STK11: variants seen among roughly 807,000 people sequenced by gnomAD.
The protein encoded by STK11 is serine/threonine-protein kinase STK11.
A neutral mutation model predicts 47.3 loss-of-function variants in STK11; 8 were observed. That is an observed-to-expected ratio of 0.17 (90% CI 0.10 to 0.31). STK11 has a LOEUF of 0.31. Ranked by LOEUF, STK11 falls within the 10% of genes least tolerant of loss-of-function variation. The probability of loss-of-function intolerance (pLI) is 1.00; values close to 1 mark genes in which losing one functional copy is unlikely to be tolerated. For missense variants in STK11, 475 were observed against 605.0 expected, an observed-to-expected ratio of 0.79 and a Z score of 2.25; for synonymous variants, 330 against 255.8, an observed-to-expected ratio of 1.29 and a Z score of -2.77.
intron 8 of STK11, chr19:1,224,994 T>G: frequency 1.0e-6 from 1 of 985,596 alleles, no homozygotes; most frequent in Non-Finnish European, 1.2e-6. Context: ...CTGCCGGGGC[T>G]GCTGCATCGG....
rs1555734869 is a variant in STK11 at position 1,206,931 on chromosome 19, G to A, written c.18G>A (p.Pro6=). 6.3e-7 allele frequency: 1 copy of A among 1,590,448 alleles called. No homozygotes were observed. Residue 6 remains proline, a synonymous_variant, in exon 1 of 10, where the codon CCG becomes CCA. Coordinates refer to ENST00000326873, the MANE Select transcript of STK11 (RefSeq NM_000455.5). MEVVD[P]QQLGMFTEGE... ...GGTCCAGCATGGAGGTGGTGGACCCGCAGCAGCTGGGCATGTTCACGGAGG... is the reference window on the plus strand; with the variant it reads ...GGTCCAGCATGGAGGTGGTGGACCCACAGCAGCTGGGCATGTTCACGGAGG...
At chr19:1,214,275 C>T (rs568816920) in intron 1 of STK11, among the ~76,000 whole-genome samples, 35 of 152,332 alleles carry the variant, frequency 2.3e-4, no homozygotes, top group African/African-American at 7.9e-4. Context: ...GGTGGCTCCA[C>T]CCCCACTCCT....
chr19:1,225,170 A>G lies in STK11; in HGVS notation c.1109-1284A>G, dbSNP rs12985527. On this transcript the variant is annotated intron_variant, in intron 8 of 9. Transcript: ENST00000326873. The stretch of plus-strand genomic sequence containing the variant: ...CAGTGGCGGCTGTGCCCGCTGATGC[A>G]GAGCTGGGGCACCTTGTCCACAGGG... 4.5e-3 allele frequency: 4,403 copies of G among 985,452 alleles called. 17 individuals carry two copies. The highest frequency in any genetic ancestry group is 0.015 in the South Asian group (311 of 21,296). 61.0% of individuals were successfully genotyped at this position (985,452 alleles called of 1,614,324 possible).
At chr19:1,208,768 C>T (rs1209615191) in intron 1 of STK11, among the ~76,000 whole-genome samples, 4 of 146,504 alleles carry the variant, frequency 2.7e-5, no homozygotes, top group African/African-American at 1.0e-4. Flanking sequence ...CAGGTGCCTG[C>T]CACAGTGCCC....
chr19:1,212,273 CTTTTTTTTT>C (rs775284754), intron 1 of STK11, among the ~76,000 whole-genome samples: 2 of 89,838 alleles, frequency 2.2e-5, no homozygotes, highest in Non-Finnish European at 4.0e-5. Context: ...TTCTTAACAC[CTTTTTTTTT>C]TTTTTTTTTT....
In STK11 at chr19:1,225,729, C is replaced by T. The variant is rs532971062; in HGVS notation, c.1109-725C>T. 46 of 985,648 alleles carry T rather than the reference C, an allele frequency of 4.7e-5. No individual in the cohort carries two copies. In the East Asian group the frequency reaches 7.9e-4, roughly 17 times the overall value. The allele number at this position is 985,648 out of a possible 1,614,324, so 61.1% of individuals were successfully genotyped here. ...GCCCGGGGCGGCCTCCCACTGACTT[C>T]GCCCGGGAGGGGCCTCGGGGATGGC... On this transcript the variant is annotated intron_variant, in intron 8 of 9. Transcript: ENST00000326873.
intron 9 of STK11, 48 bp from the exon 10 acceptor site, chr19:1,227,545 A>C: frequency 9.4e-7 from 1 of 1,062,332 alleles, no homozygotes; most frequent in Non-Finnish European, 1.1e-6. Flanking sequence ...CGGGAGGCGG[A>C]GAACCGGTGC....
At chr19:1,225,470 C>T (rs1466296845) in intron 8 of STK11, 3 of 866,418 alleles carry the variant, frequency 3.5e-6, no homozygotes, top group Non-Finnish European at 4.2e-6. Flanking sequence ...GGGGTTTCAC[C>T]ATGTTGGTCA....
In STK11 at chr19:1,220,503, G is replaced by A. The variant is rs121913317; in HGVS notation, c.595G>A (p.Glu199Lys). ...CAAAATCTCCGACCTGGGCGTGGCC[G>A]AGGTAGGCACGTGCTAGGGGGGGCC... ...TLKISDLGVAEALHPFAADDT... is the reference protein window; with the variant it reads ...TLKISDLGVAKALHPFAADDT... The change falls in exon 4 of 10, where the codon GAG (glutamate) becomes AAG (lysine). Residue 199 changes from glutamate (E) to lysine (K), a missense_variant and splice_region_variant. Transcript: ENST00000326873. 3 of 1,602,488 alleles carry A rather than the reference G, an allele frequency of 1.9e-6. No individual in the cohort carries two copies. Among genetic ancestry groups the A allele is most frequent in the Non-Finnish European group, 2.6e-6 (3 of 1,174,948 alleles).
rs541626689 is a variant in STK11, at chr19:1,218,727, C to T, written c.374+227C>T. Reference sequence around the variant, plus strand: ...CCTGTGTCTTGGGCCCGTGGGGTGTCAAGTCCCTTTTTTCTCAGAGTCTCC... The same window carrying T: ...CCTGTGTCTTGGGCCCGTGGGGTGTTAAGTCCCTTTTTTCTCAGAGTCTCC... On this transcript the variant is annotated intron_variant, in intron 2 of 9. Transcript: ENST00000326873. 3.9e-5 allele frequency among the ~76,000 whole-genome samples: 6 copies of T among 152,266 alleles called. No homozygotes were observed. In the East Asian group the frequency reaches 1.2e-3, roughly 29 times the overall value.
chr19:1,227,914 G>T lies in STK11; in HGVS notation c.*338G>T. 2 of 1,070,224 alleles carry T rather than the reference G, an allele frequency of 1.9e-6. No homozygotes were observed. Among genetic ancestry groups the T allele is most frequent in the Non-Finnish European group, 2.3e-6 (2 of 882,236 alleles). 66.3% of individuals were successfully genotyped at this position (1,070,224 alleles called of 1,614,324 possible). The stretch of plus-strand genomic sequence containing the variant: ...CGCCCGTGGCCTCGTGCTCCGCAGG[G>T]CGCCCAGCGCCGTCCGGCGGCCCCG... On this transcript the variant is annotated 3_prime_UTR_variant, in exon 10 of 10. Coordinates refer to ENST00000326873, the MANE Select transcript of STK11 (RefSeq NM_000455.5).
In STK11 at chr19:1,207,073, C is replaced by G; in HGVS notation, c.160C>G (p.Leu54Val). ...CATCGGCAAGTACCTGATGGGGGAC[C>G]TGCTGGGGGAAGGCTCTTACGGCAA... Reference protein sequence around the residue: ...KLIGKYLMGDLLGEGSYGKVK... With the variant: ...KLIGKYLMGDVLGEGSYGKVK... Residue 54 changes from leucine to valine, a missense_variant, in exon 1 of 10, where the codon CTG becomes GTG. Leu to Val is a conservative substitution (Grantham distance 32). This residue lies in a region of STK11 where 47 missense variants were observed against 103.7 expected (regional missense o/e 0.45). Coordinates refer to ENST00000326873, the MANE Select transcript of STK11 (RefSeq NM_000455.5). The G allele has an allele frequency of 6.2e-7, 1 of 1,613,928 alleles. No individual in the cohort carries two copies. Among genetic ancestry groups the G allele is most frequent in the Non-Finnish European group, 8.5e-7 (1 of 1,179,898 alleles).
intron 1 of STK11, among the ~76,000 whole-genome samples, chr19:1,207,623 T>G (rs2080677135): frequency 6.6e-6 from 1 of 152,178 alleles, no homozygotes; most frequent in Admixed American, 6.5e-5. Context: ...CTGCGCAGTG[T>G]GTGGCCGTTA....
intron 8 of STK11, chr19:1,224,173 CACAGTGTATGGGGGTCCCCGGGGGGT>C (rs1315432734): frequency 9.1e-6 from 9 of 985,894 alleles, no homozygotes; most frequent in East Asian, 1.1e-4. Flanking sequence ...CCCCCGAGAG[CACAGTGTATGGGGGTCCCCGGGGGGT>C]ACAGTGTCTG....
At position 1,221,321 on chromosome 19, in the gene STK11, G is replaced by T. The variant is rs756095270; in HGVS notation, c.843G>T (p.Pro281=). 2 of 1,609,226 alleles carry T rather than the reference G, an allele frequency of 1.2e-6. No individual in the cohort carries two copies. The highest frequency in any genetic ancestry group is 1.1e-5 in the South Asian group (1 of 90,414). The change falls in exon 6 of 10, where the codon CCG becomes CCT. Residue 281 remains proline (P), a synonymous_variant. Coordinates refer to ENST00000326873, the MANE Select transcript of STK11 (RefSeq NM_000455.5). The stretch of plus-strand genomic sequence containing the variant: ...CCATCCCGGGCGACTGTGGCCCCCC[G>T]CTCTCTGACCTGCTGAAAGGTGGGA... The part of the protein sequence containing the change: ...SYAIPGDCGP[P]LSDLLKGMLE...
At chr19:1,220,249 C>T (rs1321257636) in intron 3 of STK11, 124 bp from the exon 4 acceptor site, 6 of 1,311,274 alleles carry the variant, frequency 4.6e-6, no homozygotes, top group African/African-American at 4.4e-5. Flanking sequence ...GTCCTGTGTG[C>T]CTGGACTTCT....
At position 1,221,321 on chromosome 19, in the gene STK11, G is replaced by A. The variant is rs756095270; in HGVS notation, c.843G>A (p.Pro281=). The change falls in exon 6 of 10, where the codon CCG becomes CCA. Residue 281 remains proline (P), a synonymous_variant. Transcript: ENST00000326873. ...CCATCCCGGGCGACTGTGGCCCCCC[G>A]CTCTCTGACCTGCTGAAAGGTGGGA... ...SYAIPGDCGP[P]LSDLLKGMLE... The A allele has an allele frequency of 6.8e-6, 11 of 1,609,226 alleles. No individual in the cohort carries two copies. In the South Asian group the frequency reaches 7.7e-5, roughly 11 times the overall value.
chr19:1,210,689 C>A (rs1041072526), intron 1 of STK11, among the ~76,000 whole-genome samples: 1 of 150,410 alleles, frequency 6.6e-6, no homozygotes, highest in African/African-American at 2.5e-5. Context: ...ATGGTGAAAC[C>A]CTGTCTCTAC....
chr19:1,220,742 C>G (rs1388376088), intron 5 of STK11, 25 bp downstream of exon 5: 1 of 1,598,140 alleles, frequency 6.3e-7, no homozygotes, highest in Admixed American at 1.7e-5. Context: ...CCCCCGGGCA[C>G]TCACCACACG....
Sources: gnomAD v4.1 joint callset for allele counts (sites outside exome capture counted in the v4.1 genomes callset) on GRCh38, gnomAD v4.1.1 for gene constraint, gnomAD v4.1.1 regional missense constraint, MANE v1.5 for transcripts, NCBI Gene and HGNC (gene_info 2026-07-23, HGNC 2026-07-21) for gene names.